KCNJ5: variants seen among roughly 807,000 people sequenced by gnomAD.
KCNJ5 encodes G protein-activated inward rectifier potassium channel 4.
In KCNJ5, 12 loss-of-function variants were observed where a neutral mutation model predicts 20.2. That is an observed-to-expected ratio of 0.59 (90% CI 0.38 to 0.96). KCNJ5 has a LOEUF of 0.96. Ranked by LOEUF, KCNJ5 falls within the 40% of genes least tolerant of loss-of-function variation. KCNJ5 has a pLI of 0.00. For synonymous variants in KCNJ5, 210 were observed against 213.9 expected (o/e 0.98, Z 0.16); for missense variants, 449 against 557.6 (o/e 0.81, Z 1.96).
intron 1 of KCNJ5, among the ~76,000 whole-genome samples, chr11:128,904,902 G>C (rs916751487): frequency 1.3e-5 from 2 of 152,226 alleles, no homozygotes; most frequent in Non-Finnish European, 2.9e-5. Flanking sequence ...GACCTAAGTT[G>C]ATAGAACAAA....
intron 1 of KCNJ5, among the ~76,000 whole-genome samples, chr11:128,910,382 G>A (rs533318440): frequency 1.4e-4 from 21 of 152,136 alleles, no homozygotes; most frequent in African/African-American, 2.7e-4. Context: ...TTCTAATGGC[G>A]GGCCTACACA....
chr11:128,903,632 A>G (rs1944333898), intron 1 of KCNJ5: 1 of 1,062,846 alleles, frequency 9.4e-7, no homozygotes, highest in Non-Finnish European at 1.4e-6. Flanking sequence ...GTGACGGGGC[A>G]CTCTTGGTGA....
chr11:128,902,640 T>C, intron 1 of KCNJ5: 1 of 1,614,024 alleles, frequency 6.2e-7, no homozygotes, highest in Non-Finnish European at 8.5e-7. Context: ...GCCTTGCAGA[T>C]TGAGTTCTCC....
chr11:128,903,320 T>C (rs1565546551), intron 1 of KCNJ5: 1 of 1,608,494 alleles, frequency 6.2e-7, no homozygotes, highest in Non-Finnish European at 8.5e-7. Context: ...AAGAAGGATG[T>C]AGAGTGTGTC....
intron 2 of KCNJ5, among the ~76,000 whole-genome samples, chr11:128,913,348 C>A (rs1182695798): frequency 3.9e-5 from 6 of 152,206 alleles, no homozygotes; most frequent in South Asian, 2.1e-4. Context: ...CTTTGTGTGG[C>A]CAGCATGGCA....
At chr11:128,894,740 G>T (rs1944145356) in intron 1 of KCNJ5, among the ~76,000 whole-genome samples, 1 of 152,198 alleles carries the variant, frequency 6.6e-6, no homozygotes, top group South Asian at 2.1e-4. Context: ...GCCAGCCAGG[G>T]CTGGCGTGAG....
intron 1 of KCNJ5, chr11:128,900,884 C>T (rs1430148334): frequency 2.0e-5 from 3 of 152,276 alleles, no homozygotes; most frequent in Non-Finnish European, 2.9e-5. Context: ...CTAGGAATAC[C>T]GGGATTATTT....
rs1305113332 is a variant in KCNJ5 at position 128,919,531 on chromosome 11, C to T, written c.*2800C>T. 6.6e-6 allele frequency: 1 copy of T among 152,280 alleles called. No homozygotes were observed. Among genetic ancestry groups the T allele is most frequent in the South Asian group, 2.1e-4 (1 of 4,832 alleles). The allele number at this position is 152,280 out of a possible 1,614,324, so 9.4% of individuals were successfully genotyped here. A position where few individuals can be genotyped will look rare whatever the true frequency, so the allele number is the denominator to read the frequency against. On this transcript the variant is annotated 3_prime_UTR_variant, in exon 3 of 3. Coordinates refer to ENST00000529694, the MANE Select transcript of KCNJ5 (RefSeq NM_000890.5). ...CCCCTTCACATCCTGAGGAAATCCC[C>T]TTCCTGGTGACCAACTGATGCAATG...
chr11:128,898,319 A>C (rs1944208395), intron 1 of KCNJ5, among the ~76,000 whole-genome samples: 1 of 152,176 alleles, frequency 6.6e-6, no homozygotes, highest in African/African-American at 2.4e-5. Flanking sequence ...GCTATTCTTC[A>C]GTTTCTTTCT....
At chr11:128,897,967 G>A (rs534945276) in intron 1 of KCNJ5, among the ~76,000 whole-genome samples, 1 of 152,296 alleles carries the variant, frequency 6.6e-6, no homozygotes, top group Admixed American at 6.5e-5. Flanking sequence ...ATTTGCAAAG[G>A]TCTATTTTTG....
At chr11:128,916,380 C>G in intron 2 of KCNJ5, 29 bp from the exon 3 acceptor site, 1 of 1,506,770 alleles carries the variant, frequency 6.6e-7, no homozygotes, top group Non-Finnish European at 9.2e-7. Flanking sequence ...ATGATTGCAT[C>G]ATAATGCATG....
At chr11:128,909,943 G>A (rs1228925612) in intron 1 of KCNJ5, 2 of 152,256 alleles carry the variant, frequency 1.3e-5, no homozygotes, top group African/African-American at 4.8e-5. Flanking sequence ...GTTGTGTGGT[G>A]AGTGCTGTGG....
intron 2 of KCNJ5, among the ~76,000 whole-genome samples, 163 bp from the exon 3 acceptor site, chr11:128,916,242 TTAGA>T: frequency 8.9e-5 from 1 of 11,192 alleles, no homozygotes; most frequent in African/African-American, 5.8e-4. Flanking sequence ...GGATAGATGA[TTAGA>T]TGGATGGATG....
chr11:128,913,030 G>A (rs576163592), intron 2 of KCNJ5, among the ~76,000 whole-genome samples: 5 of 152,304 alleles, frequency 3.3e-5, no homozygotes, highest in East Asian at 3.9e-4. Flanking sequence ...ATCACAGGGC[G>A]AAACAAAAGC....
intron 1 of KCNJ5, chr11:128,902,308 C>A: frequency 3.5e-6 from 2 of 568,760 alleles, no homozygotes; most frequent in South Asian, 2.1e-5. Flanking sequence ...TCCCTCCAGC[C>A]CTCCTCTGGA....
intron 1 of KCNJ5, among the ~76,000 whole-genome samples, chr11:128,895,725 G>C (rs1435449919): frequency 6.6e-6 from 1 of 152,250 alleles, no homozygotes; most frequent in East Asian, 1.9e-4. Context: ...CCACTGCCTG[G>C]GGGCGGGCAG....
At chr11:128,915,023 T>C (rs1476956204) in intron 2 of KCNJ5, among the ~76,000 whole-genome samples, 2 of 152,220 alleles carry the variant, frequency 1.3e-5, no homozygotes, top group Non-Finnish European at 2.9e-5. Flanking sequence ...GGCGCACCTG[T>C]GTGGGTGCGC....
chr11:128,902,779 T>C (rs1430019363), intron 1 of KCNJ5: 7 of 1,510,784 alleles, frequency 4.6e-6, no homozygotes, highest in Non-Finnish European at 6.3e-6. Flanking sequence ...TTAACAGCAC[T>C]CTCAGCCTAA....
intron 1 of KCNJ5, chr11:128,903,254 T>G: frequency 8.1e-7 from 1 of 1,237,818 alleles, no homozygotes; most frequent in Non-Finnish European, 1.1e-6. Flanking sequence ...AAAATGAAGC[T>G]CTAAGACATC....
Sources: gnomAD v4.1 joint callset for allele counts (sites outside exome capture counted in the v4.1 genomes callset) on GRCh38, gnomAD v4.1.1 for gene constraint, MANE v1.5 for transcripts, NCBI Gene and HGNC (gene_info 2026-07-23, HGNC 2026-07-21) for gene names.